XRN2: variants seen among roughly 807,000 people sequenced by gnomAD.
XRN2 encodes the protein DHM1-like protein.
Under a neutral mutation model 138.5 loss-of-function variants are expected in XRN2, and 44 were observed. The observed-to-expected ratio is 0.32, with a 90% CI of 0.25 to 0.41. The LOEUF (loss-of-function observed/expected upper bound fraction) is 0.41. XRN2 is among the 10% of genes least tolerant of loss of function. The pLI is 1.00. For missense variants in XRN2, 937 were observed against 1,169.3 expected (o/e 0.80, Z 2.90); for synonymous variants, 354 against 369.4 (o/e 0.96, Z 0.48).
chr20:21,329,679 T>A (rs1208177794), intron 4 of XRN2, among the ~76,000 whole-genome samples: 1 of 152,182 alleles, frequency 6.6e-6, no homozygotes, highest in Non-Finnish European at 1.5e-5. Context: ...GAAATATACT[T>A]GTTTCTTGAG....
At chr20:21,321,090 A>G (rs2038036122) in intron 1 of XRN2, among the ~76,000 whole-genome samples, 1 of 151,972 alleles carries the variant, frequency 6.6e-6, no homozygotes, top group East Asian at 1.9e-4. Flanking sequence ...ATCTTGGCCC[A>G]CTGCATCCTC....
chr20:21,342,438 C>G (rs562471286), intron 15 of XRN2, among the ~76,000 whole-genome samples: 89 of 152,194 alleles, frequency 5.8e-4, no homozygotes, highest in South Asian at 3.3e-3. Flanking sequence ...GTAGAGACAG[C>G]AGCGGAGATT....
intron 27 of XRN2, among the ~76,000 whole-genome samples, chr20:21,380,773 T>C (rs752888924): frequency 1.3e-5 from 2 of 152,260 alleles, no homozygotes; most frequent in East Asian, 3.8e-4. Flanking sequence ...TGGGTATGGC[T>C]GCAGAAACTT....
intron 4 of XRN2, among the ~76,000 whole-genome samples, chr20:21,330,188 C>T (rs1232245050): frequency 6.6e-6 from 1 of 152,048 alleles, no homozygotes; most frequent in Non-Finnish European, 1.5e-5. Context: ...GAGGCTGAGA[C>T]AGGAGAATCG....
At chr20:21,344,268 T>A in intron 16 of XRN2, 60 bp downstream of exon 16, 1 of 1,281,496 alleles carries the variant, frequency 7.8e-7, no homozygotes, top group Non-Finnish European at 1.1e-6. Context: ...GCAGTCTAAT[T>A]AATGCTATTT....
chr20:21,349,526 T>G, intron 20 of XRN2, 65 bp downstream of exon 20: 1 of 1,254,752 alleles, frequency 8.0e-7, no homozygotes, highest in East Asian at 2.3e-5. Flanking sequence ...ATGAAATAAT[T>G]CTGTAAAAGA....
In XRN2 at chr20:21,348,253, G is replaced by A. The variant is rs1235286659; in HGVS notation, c.1773G>A (p.Pro591=). 1.2e-6 allele frequency: 2 copies of A among 1,613,344 alleles called. No homozygotes were observed. Among genetic ancestry groups the A allele is most frequent in the East Asian group, 2.2e-5 (1 of 44,864 alleles). Residue 591 remains proline (P), a splice_region_variant and synonymous_variant, in exon 18 of 30, where the codon CCG becomes CCA. Transcript: ENST00000377191. ...CTGATTTTGAGAAGGGTACGAAACC[G>A]GTAAGCTTAATTACTTAAAGTCATA... ...MPSDFEKGTK[P]FKPLEQLMGV...
intron 1 of XRN2, among the ~76,000 whole-genome samples, chr20:21,323,960 T>C (rs1230883497): frequency 2.0e-5 from 3 of 152,344 alleles, no homozygotes; most frequent in Middle Eastern, 3.4e-3. Context: ...TACTGATTTT[T>C]TTCCTGGAGG....
At chr20:21,356,323 CT>C in intron 22 of XRN2, 146 bp downstream of exon 22, 1 of 654,380 alleles carries the variant, frequency 1.5e-6, no homozygotes, top group Non-Finnish European at 2.5e-6. Flanking sequence ...ACCATTAGCA[CT>C]TTTTCAGAAC....
At chr20:21,378,942 AC>A (rs2038854043) in intron 27 of XRN2, among the ~76,000 whole-genome samples, 1 of 152,172 alleles carries the variant, frequency 6.6e-6, no homozygotes, top group Non-Finnish European at 1.5e-5. Context: ...AGCCCTGAGT[AC>A]TCAGTCTGAA....
chr20:21,354,507 A>AT (rs1269031397), intron 20 of XRN2, among the ~76,000 whole-genome samples: 1 of 152,202 alleles, frequency 6.6e-6, no homozygotes, highest in Admixed American at 6.5e-5. Flanking sequence ...CCATTTGTTC[A>AT]TTTATTTAAA....
At chr20:21,358,726 A>G (rs1052760766) in intron 24 of XRN2, among the ~76,000 whole-genome samples, 1 of 152,178 alleles carries the variant, frequency 6.6e-6, no homozygotes, top group Admixed American at 6.5e-5. Flanking sequence ...AATTCGAAAA[A>G]TCTTTCTGGA....
intron 27 of XRN2, among the ~76,000 whole-genome samples, chr20:21,378,838 ATTTC>A (rs1393274267): frequency 2.0e-5 from 3 of 151,982 alleles, no homozygotes; most frequent in Non-Finnish European, 2.9e-5. Flanking sequence ...TGCTGTAGGT[ATTTC>A]TTATTGTTGG....
chr20:21,387,715 T>C (rs2122378715), intron 29 of XRN2, among the ~76,000 whole-genome samples: 1 of 152,312 alleles, frequency 6.6e-6, no homozygotes, highest in Admixed American at 6.5e-5. Context: ...GAGAACAAGA[T>C]TAGAATGCTG....
Position 21,339,108 on chromosome 20 carries a change from ATGAGATTGGCAATAGCGTAATTTTACAAT to A in XRN2, c.1278+22_1278+50del. ...ATGAAGGTGAGTTTTAATTAATTTCATGAGATTGGCAATAGCGTAATTTTACAATTTATGAGGAAGATGTTCATTACAGT... is the reference window on the plus strand; with the variant it reads ...ATGAAGGTGAGTTTTAATTAATTTCATTATGAGGAAGATGTTCATTACAGT... On this transcript the variant is annotated intron_variant, in intron 14 of 29. Transcript: ENST00000377191. The A allele has an allele frequency of 6.3e-7, 1 of 1,599,242 alleles. No homozygotes were observed. Among genetic ancestry groups the A allele is most frequent in the Non-Finnish European group, 8.5e-7 (1 of 1,170,180 alleles).
chr20:21,364,930 A>G (rs970051649), intron 24 of XRN2, among the ~76,000 whole-genome samples: 1 of 152,070 alleles, frequency 6.6e-6, no homozygotes, highest in Non-Finnish European at 1.5e-5. Flanking sequence ...TTTTTTGTTA[A>G]GTCCATCCCC....
intron 4 of XRN2, among the ~76,000 whole-genome samples, chr20:21,329,886 T>A (rs915523475): frequency 6.6e-6 from 1 of 151,778 alleles, no homozygotes; most frequent in Non-Finnish European, 1.5e-5. Context: ...TGTGTGTGTG[T>A]GTGTGTGTGT....
Position 21,381,882 on chromosome 20 carries a change from GT to G in XRN2, c.2585-109del, listed in dbSNP as rs1335910295. 1.0e-4 allele frequency: 86 copies of G among 822,042 alleles called. No individual in the cohort carries two copies. In the African/African-American group the frequency reaches 1.4e-3, roughly 14 times the overall value. 50.9% of individuals were successfully genotyped at this position (822,042 alleles called of 1,614,324 possible). On this transcript the variant is annotated intron_variant, in intron 27 of 29. Transcript: ENST00000377191. ...TGTTATTATGATACTAGTTTATTTG[GT>G]TTACAGTCTTTCTCAGATTTTTTTC...
At chr20:21,335,343 A>G (rs1465128804) in intron 13 of XRN2, among the ~76,000 whole-genome samples, 3 of 152,246 alleles carry the variant, frequency 2.0e-5, no homozygotes, top group Non-Finnish European at 4.4e-5. Flanking sequence ...TATAAAAGTC[A>G]TGTGGCTATT....
Sources: allele counts gnomAD v4.1 joint callset (sites outside exome capture counted in the v4.1 genomes callset), GRCh38; gene constraint gnomAD v4.1.1; transcripts MANE v1.5; gene names NCBI Gene and HGNC (gene_info 2026-07-23, HGNC 2026-07-21).